Variants in TNNI3K observed in about 807,000 individuals in gnomAD.
The protein encoded by TNNI3K is serine/threonine-protein kinase TNNI3K.
In TNNI3K, 140 loss-of-function variants were observed where a neutral mutation model predicts 114.5. That is an observed-to-expected ratio of 1.22 (90% CI 1.07 to 1.41). The LOEUF is 1.41. Among genes scored for constraint, TNNI3K ranks in the 40% most tolerant of loss-of-function variants. The probability of loss-of-function intolerance (pLI) is 0.00; values close to 1 mark genes in which losing one functional copy is unlikely to be tolerated. For synonymous variants in TNNI3K, 347 were observed against 347.5 expected, an observed-to-expected ratio of 1.00 and a Z score of 0.02; for missense variants, 1,125 against 1,007.6, an observed-to-expected ratio of 1.12 and a Z score of -1.58.
chr1:74,314,774 T>C (rs554112652), intron 5 of TNNI3K, among the ~76,000 whole-genome samples: 3 of 152,310 alleles, frequency 2.0e-5, no homozygotes, highest in African/African-American at 7.2e-5. Context: ...TCTAATTTGA[T>C]TACAATTTGG....
chr1:74,405,369 G>T (rs991894122), intron 17 of TNNI3K, among the ~76,000 whole-genome samples: 1 of 152,152 alleles, frequency 6.6e-6, no homozygotes, highest in Non-Finnish European at 1.5e-5. Context: ...ATGAGTTTTG[G>T]AACTATGAGG....
intron 5 of TNNI3K, among the ~76,000 whole-genome samples, chr1:74,304,947 C>T (rs543004371): frequency 2.0e-5 from 3 of 152,194 alleles, no homozygotes; most frequent in Non-Finnish European, 2.9e-5. Context: ...GGTATGCCTA[C>T]GCTGGATTTG....
At chr1:74,515,030 T>C (rs1187202289) in intron 23 of TNNI3K, among the ~76,000 whole-genome samples, 2 of 152,136 alleles carry the variant, frequency 1.3e-5, no homozygotes, top group Admixed American at 1.3e-4. Flanking sequence ...CCAAGGAATA[T>C]AAGGATCGTA....
intron 20 of TNNI3K, among the ~76,000 whole-genome samples, chr1:74,452,268 A>G (rs1282584097): frequency 6.6e-6 from 1 of 152,170 alleles, no homozygotes; most frequent in Non-Finnish European, 1.5e-5. Context: ...CAATGAGATT[A>G]TGTTTGTGAC....
Position 74,436,488 on chromosome 1 carries a change from C to A in TNNI3K, c.1840C>A (p.Gln614Lys), listed in dbSNP as rs776019755. 1.9e-6 allele frequency: 3 copies of A among 1,583,934 alleles called. No homozygotes were observed. The highest frequency in any genetic ancestry group is 2.6e-6 in the Non-Finnish European group (3 of 1,172,096). The part of the protein sequence containing the change: ...VADFGESRFL[Q>K]SLDEDNMTKQ... Reference sequence around the variant, plus strand: ...CTTTCCCTCAGAATCAAGATTTCTACAGTCTCTGGATGAAGACAACATGAC... The same window carrying A: ...CTTTCCCTCAGAATCAAGATTTCTAAAGTCTCTGGATGAAGACAACATGAC... Residue 614 changes from glutamine (Q) to lysine (K), a missense_variant, in exon 19 of 25, where the codon CAG becomes AAG. Gln to Lys is a moderately conservative substitution (Grantham distance 53). Coordinates refer to ENST00000326637, the MANE Select transcript of TNNI3K (RefSeq NM_015978.3).
chr1:74,354,113 G>A lies in TNNI3K; in HGVS notation c.1161G>A (p.Met387Ile), dbSNP rs760873813. The A allele has an allele frequency of 6.2e-7, 1 of 1,614,032 alleles. No homozygotes were observed. The highest frequency in any genetic ancestry group is 1.1e-5 in the South Asian group (1 of 91,080). Reference sequence around the variant, plus strand: ...AAAAAGATGAGCAGACATGTTTGATGTGGGCTTATGAAAAAGGTATATTTT... The same window carrying A: ...AAAAAGATGAGCAGACATGTTTGATATGGGCTTATGAAAAAGGTATATTTT... ...SGEKDEQTCL[M>I]WAYEKGHDAI... Residue 387 changes from methionine (M) to isoleucine (I), a missense_variant, in exon 11 of 25, where the codon ATG (methionine) becomes ATA (isoleucine). By Grantham distance (10) the Met-to-Ile change is conservative (BLOSUM62 1). Coordinates refer to ENST00000326637, the MANE Select transcript of TNNI3K (RefSeq NM_015978.3).
chr1:74,306,024 C>T (rs1570444294), intron 5 of TNNI3K, among the ~76,000 whole-genome samples: 1 of 152,262 alleles, frequency 6.6e-6, no homozygotes, highest in South Asian at 2.1e-4. Context: ...TTATTCCTCA[C>T]TTTTGGAAAC....
At chr1:74,437,759 G>T (rs1371098967) in intron 19 of TNNI3K, among the ~76,000 whole-genome samples, 1 of 151,874 alleles carries the variant, frequency 6.6e-6, no homozygotes, top group Non-Finnish European at 1.5e-5. Context: ...TAAATTAGTG[G>T]TCCTCAAGCC....
chr1:74,509,894 C>A (rs1388486370), intron 23 of TNNI3K, among the ~76,000 whole-genome samples: 1 of 151,250 alleles, frequency 6.6e-6, no homozygotes, highest in Non-Finnish European at 1.5e-5. Flanking sequence ...GCTGGAACTA[C>A]AGGCATACGC....
At position 74,338,067 on chromosome 1, in the gene TNNI3K, C is replaced by T. The variant is rs529359875; in HGVS notation, c.682+1918C>T. Reference sequence around the variant, plus strand: ...TCTCTTGAATATATATATAAACACACATATATATATGAGAGAATTGATAAA... The same window carrying T: ...TCTCTTGAATATATATATAAACACATATATATATATGAGAGAATTGATAAA... On this transcript the variant is annotated intron_variant, in intron 7 of 24. Coordinates refer to ENST00000326637, the MANE Select transcript of TNNI3K (RefSeq NM_015978.3). Among the ~76,000 whole-genome samples, 6 of 151,932 alleles carry T rather than the reference C, an allele frequency of 3.9e-5. No homozygotes were observed. The South Asian group carries it at 1.0e-3, about 26-fold the overall frequency.
chr1:74,341,640 A>G (rs1406251014), intron 7 of TNNI3K: 1 of 151,828 alleles, frequency 6.6e-6, no homozygotes. Context: ...ATTAAAGGAT[A>G]TTATGTAGCA....
At chr1:74,265,358 G>A (rs949403708) in intron 4 of TNNI3K, among the ~76,000 whole-genome samples, 12 of 151,950 alleles carry the variant, frequency 7.9e-5, no homozygotes, top group African/African-American at 2.7e-4. Context: ...CCTATGAAAG[G>A]AGTGCCACAC....
chr1:74,267,857 A>T (rs1041798089), intron 4 of TNNI3K, among the ~76,000 whole-genome samples: 1 of 151,952 alleles, frequency 6.6e-6, no homozygotes. Flanking sequence ...AAAATTCCAC[A>T]AATATTGACT....
intron 5 of TNNI3K, among the ~76,000 whole-genome samples, chr1:74,314,656 C>CACA (rs1405891367): frequency 1.3e-5 from 2 of 152,036 alleles, no homozygotes; most frequent in African/African-American, 4.8e-5. Context: ...ATGTCATAAA[C>CACA]ACATTTATAA....
chr1:74,475,119 CA>C (rs1315520294), intron 21 of TNNI3K, among the ~76,000 whole-genome samples: 1 of 125,538 alleles, frequency 8.0e-6, no homozygotes, highest in African/African-American at 3.7e-5. Flanking sequence ...CCTCAGCCCA[CA>C]CACACACACA....
Position 74,343,199 on chromosome 1 carries a change from C to G in TNNI3K, c.932+20C>G. On this transcript the variant is annotated intron_variant, in intron 9 of 24. Coordinates refer to ENST00000326637, the MANE Select transcript of TNNI3K (RefSeq NM_015978.3). ...TCATAGGTAAAAGAATATTTAAGTG[C>G]AATAGCCACTAAACTTAGCTGACAC... The G allele has an allele frequency of 6.3e-7, 1 of 1,592,956 alleles. No individual in the cohort carries two copies. The highest frequency in any genetic ancestry group is 8.6e-7 in the Non-Finnish European group (1 of 1,169,280).
intron 11 of TNNI3K, among the ~76,000 whole-genome samples, chr1:74,359,743 C>G (rs1175470239): frequency 6.6e-6 from 1 of 151,946 alleles, no homozygotes; most frequent in African/African-American, 2.4e-5. Flanking sequence ...GGTTTTTCTC[C>G]ACAGTCAAGG....
chr1:74,336,344 C>G (rs969955871), intron 7 of TNNI3K, among the ~76,000 whole-genome samples, 195 bp downstream of exon 7: 3 of 151,894 alleles, frequency 2.0e-5, no homozygotes, highest in Non-Finnish European at 4.4e-5. Flanking sequence ...TGTTTTAGCT[C>G]AATTCTTTTT....
intron 4 of TNNI3K, among the ~76,000 whole-genome samples, chr1:74,263,410 TAG>T (rs1428692772): frequency 6.6e-6 from 1 of 152,016 alleles, no homozygotes; most frequent in Non-Finnish European, 1.5e-5. Flanking sequence ...TCTGAGTGCT[TAG>T]AACAACGCTT....
Sources: allele counts gnomAD v4.1 joint callset (sites outside exome capture counted in the v4.1 genomes callset), GRCh38; gene constraint gnomAD v4.1.1; transcripts MANE v1.5; gene names NCBI Gene and HGNC (gene_info 2026-07-23, HGNC 2026-07-21).